UVSSA: variants seen among roughly 807,000 people sequenced by gnomAD.
The protein encoded by UVSSA is UV stimulated scaffold protein A, also known as UV-stimulated scaffold protein A.
UVSSA carries 72 observed loss-of-function variants against 73.9 expected under a neutral mutation model. The ratio of observed to expected loss-of-function variants is 0.97; its 90% CI spans 0.81 to 1.19. The LOEUF is 1.19. Among genes scored for constraint, UVSSA ranks in the 50% most tolerant of loss-of-function variants. The pLI, the probability that UVSSA is intolerant of heterozygous loss-of-function variation, is 0.00. For synonymous variants in UVSSA, 454 were observed against 391.3 expected (o/e 1.16, Z -1.89); for missense variants, 1,150 against 965.0 (o/e 1.19, Z -2.54).
chr4:1,395,320 G>C (rs574825292), exon 14 of UVSSA: 1 of 1,520,432 alleles, frequency 6.6e-7, no homozygotes, highest in Non-Finnish European at 8.8e-7. Flanking sequence ...TGGAGTGCCC[G>C]CCTGCTCACG....
chr4:1,349,096 G>A (rs532800720), intron 2 of UVSSA, among the ~76,000 whole-genome samples: 1 of 152,196 alleles, frequency 6.6e-6, no homozygotes, highest in East Asian at 1.9e-4. Flanking sequence ...GTGCCGGGCG[G>A]TGTGTGTTGC....
chr4:1,364,656 AT>A (rs1158232444), intron 7 of UVSSA, among the ~76,000 whole-genome samples: 1 of 152,126 alleles, frequency 6.6e-6, no homozygotes, highest in Non-Finnish European at 1.5e-5. Context: ...TCCAACAGGG[AT>A]CTCTCTCCCG....
intron 10 of UVSSA, among the ~76,000 whole-genome samples, chr4:1,379,743 C>T (rs566921337): frequency 4.0e-5 from 6 of 151,100 alleles, no homozygotes; most frequent in Admixed American, 6.6e-5. Flanking sequence ...TGCCCGTGGT[C>T]GCGCGGCTGG....
At chr4:1,374,442 CAGG>C (rs1397714205) in intron 8 of UVSSA, among the ~76,000 whole-genome samples, 2 of 152,356 alleles carry the variant, frequency 1.3e-5, no homozygotes, top group South Asian at 2.1e-4. Context: ...GGCTGTGGTG[CAGG>C]AGGAGGGGAG....
chr4:1,347,305 A>G lies in UVSSA; in HGVS notation c.-458A>G, dbSNP rs1713838479. On this transcript the variant is annotated 5_prime_UTR_variant, in exon 1 of 14. Coordinates refer to ENST00000389851, the MANE Select transcript of UVSSA (RefSeq NM_020894.4). The stretch of plus-strand genomic sequence containing the variant: ...CCCCGGGGCTCTGCGGGCGCCGGGC[A>G]GAGACCTGCGGCCAGGGCGTGTCCC... 3 of 151,988 alleles carry G rather than the reference A, an allele frequency of 2.0e-5. No homozygotes were observed. The South Asian group carries it at 6.2e-4, about 31-fold the overall frequency. 9.4% of individuals were successfully genotyped at this position (151,988 alleles called of 1,614,324 possible).
upstream of UVSSA, among the ~76,000 whole-genome samples, chr4:1,346,613 C>T (rs1256182710): frequency 6.6e-6 from 1 of 152,108 alleles, no homozygotes; most frequent in Non-Finnish European, 1.5e-5. Flanking sequence ...ATTCCCTTCC[C>T]GAGGCCGGAG....
At position 1,386,655 on chromosome 4, in the gene UVSSA, G is replaced by C. The variant is rs1219868445; in HGVS notation, c.*694G>C. 2.0e-5 allele frequency: 3 copies of C among 152,266 alleles called. No homozygotes were observed. Among genetic ancestry groups the C allele is most frequent in the African/African-American group, 4.8e-5 (2 of 41,444 alleles). The allele number at this position is 152,266 out of a possible 1,614,324, so 9.4% of individuals were successfully genotyped here. A position where few individuals can be genotyped will look rare whatever the true frequency, so the allele number is the denominator to read the frequency against. On this transcript the variant is annotated 3_prime_UTR_variant, in exon 14 of 14. Transcript: ENST00000389851. ...GCCATTTGTGTATCTCCTTTGGAGAGGAGTCTATTCAAACCTCTTGCCTAT... is the reference window on the plus strand; with the variant it reads ...GCCATTTGTGTATCTCCTTTGGAGACGAGTCTATTCAAACCTCTTGCCTAT...
intron 9 of UVSSA, 57 bp from the exon 10 acceptor site, chr4:1,375,977 G>T (rs1389948736): frequency 1.9e-6 from 3 of 1,554,586 alleles, no homozygotes; most frequent in African/African-American, 2.7e-5. Context: ...AGGGAGAGGA[G>T]GGTGGCTGTG....
downstream of UVSSA, chr4:1,392,811 T>A (rs1720436938): frequency 6.6e-6 from 1 of 152,256 alleles, no homozygotes; most frequent in Non-Finnish European, 1.5e-5. Context: ...ATCTTCTGCC[T>A]AGTTATATTG....
At chr4:1,392,825 T>C (rs752590480), downstream of UVSSA, 1 of 152,240 alleles carries the variant, frequency 6.6e-6, no homozygotes, top group African/African-American at 2.4e-5. Flanking sequence ...TATATTGATA[T>C]TGAATGTGGG....
chr4:1,394,424 ATCTACT>A (rs1382909395), exon 14 of UVSSA: 3 of 1,587,044 alleles, frequency 1.9e-6, no homozygotes, highest in East Asian at 4.5e-5. Context: ...GAAATCATTG[ATCTACT>A]TCTAGTTTTT....
In UVSSA at chr4:1,382,792, G is replaced by T. The variant is rs376712399; in HGVS notation, c.1862-974G>T. Among the ~76,000 whole-genome samples the T allele has an allele frequency of 2.0e-5, 3 of 152,348 alleles. No homozygotes were observed. In the East Asian group the frequency reaches 5.8e-4, roughly 29 times the overall value. On this transcript the variant is annotated intron_variant, in intron 12 of 13. Transcript: ENST00000389851. ...TCCGAGATGTGGGCATTCCTCCGGG[G>T]ATGTGCCCCCGTGGCCTGGTCGCCC...
rs752149903 is a variant in UVSSA, at chr4:1,375,340, G to A, written c.1289-24G>A. On this transcript the variant is annotated intron_variant, in intron 8 of 13. Coordinates refer to ENST00000389851, the MANE Select transcript of UVSSA (RefSeq NM_020894.4). ...TGGCGGGTTGTGGGAGTGGTGGCAG[G>A]GAGTGGACACGTGTCTGTTTCAGGG... 2.5e-5 allele frequency: 41 copies of A among 1,611,538 alleles called. No individual in the cohort carries two copies. The South Asian group carries it at 4.3e-4, about 17-fold the overall frequency.
In UVSSA at chr4:1,395,334, C is replaced by T. The variant is rs552730277; in HGVS notation, c.*9373C>T. On this transcript the variant is annotated 3_prime_UTR_variant, in exon 14 of 14. Transcript: ENST00000511216. Reference sequence around the variant, plus strand: ...GTGGAGTGCCCGCCTGCTCACGTGCCGATGTGGGGTGCCCGCCTGCTCACA... The same window carrying T: ...GTGGAGTGCCCGCCTGCTCACGTGCTGATGTGGGGTGCCCGCCTGCTCACA... The T allele has an allele frequency of 9.6e-5, 146 of 1,514,624 alleles. 8 individuals are homozygous for T. Among genetic ancestry groups the T allele is most frequent in the Middle Eastern group, 1.9e-4 (1 of 5,306 alleles). 93.8% of individuals were successfully genotyped at this position (1,514,624 alleles called of 1,614,324 possible). A position where few individuals can be genotyped will look rare whatever the true frequency, so the allele number is the denominator to read the frequency against.
chr4:1,370,582 G>C (rs758049275), intron 8 of UVSSA, among the ~76,000 whole-genome samples: 5 of 152,266 alleles, frequency 3.3e-5, no homozygotes, highest in Non-Finnish European at 7.3e-5. Context: ...CTTCTGTGAA[G>C]GGCCAGAGCG....
At chr4:1,375,172 G>T (rs1395479593) in intron 8 of UVSSA, 192 bp from the exon 9 acceptor site, 2 of 835,606 alleles carry the variant, frequency 2.4e-6, no homozygotes, top group South Asian at 1.7e-5. Context: ...CCATGTTCTG[G>T]CAGAGCGTGG....
chr4:1,375,460 C>T lies in UVSSA; in HGVS notation c.1385C>T (p.Ala462Val). The T allele has an allele frequency of 6.2e-7, 1 of 1,612,938 alleles. No homozygotes were observed. Among genetic ancestry groups the T allele is most frequent in the Non-Finnish European group, 8.5e-7 (1 of 1,179,990 alleles). The change falls in exon 9 of 14, where the codon GCT becomes GTT. Residue 462 changes from alanine (A) to valine (V), a missense_variant. Coordinates refer to ENST00000389851, the MANE Select transcript of UVSSA (RefSeq NM_020894.4). The part of the protein sequence containing the change: ...EEVSDPTSAA[A>V]QLRQLRDHLP... Reference sequence around the variant, plus strand: ...GTGTCGGACCCCACCTCTGCGGCTGCTCAGCTGCGGCAGCTCCGGGACCAC... The same window carrying T: ...GTGTCGGACCCCACCTCTGCGGCTGTTCAGCTGCGGCAGCTCCGGGACCAC...
In UVSSA at chr4:1,352,398, C is replaced by T. The variant is rs1051038460; in HGVS notation, c.550+563C>T. On this transcript the variant is annotated intron_variant, in intron 4 of 13. Transcript: ENST00000389851. ...GGGACCTGCCACAGGCCACTGGAAACGCAGGCCTCAGGGCAGCTCACAAGG... is the reference window on the plus strand; with the variant it reads ...GGGACCTGCCACAGGCCACTGGAAATGCAGGCCTCAGGGCAGCTCACAAGG... Among the ~76,000 whole-genome samples the T allele has an allele frequency of 5.9e-5, 9 of 152,342 alleles. No homozygotes were observed. The South Asian group carries it at 1.0e-3, about 18-fold the overall frequency.
At chr4:1,384,246 G>A (rs949294013) in intron 13 of UVSSA, 38 of 404,750 alleles carry the variant, frequency 9.4e-5, no homozygotes, top group Admixed American at 3.7e-4. Context: ...CTTGGCTGGT[G>A]CAGAGTGAGC....
Sources: gnomAD v4.1 joint callset for allele counts (sites outside exome capture counted in the v4.1 genomes callset) on GRCh38, gnomAD v4.1.1 for gene constraint, MANE v1.5 for transcripts, NCBI Gene and HGNC (gene_info 2026-07-23, HGNC 2026-07-21) for gene names.